The following ADAM32 variants were observed in gnomAD, a reference collection of about 807,000 sequenced individuals.
ADAM32 encodes the protein disintegrin and metalloproteinase domain-containing protein 32.
In ADAM32, 89 loss-of-function variants were observed where a neutral mutation model predicts 114.9. The ratio of observed to expected loss-of-function variants is 0.77; its 90% CI spans 0.65 to 0.92. ADAM32 has a LOEUF of 0.92. Ranked by LOEUF, ADAM32 falls within the 40% of genes least tolerant of loss-of-function variation. ADAM32 has a pLI of 0.00. For synonymous variants in ADAM32, 285 were observed against 307.5 expected (o/e 0.93, Z 0.77); for missense variants, 870 against 932.8 (o/e 0.93, Z 0.88).
chr8:39,205,007 C>T (rs191316082), intron 11 of ADAM32, among the ~76,000 whole-genome samples: 7 of 152,332 alleles, frequency 4.6e-5, no homozygotes, highest in Non-Finnish European at 2.9e-5. Context: ...CAGAGGGGTA[C>T]TTGGCCCTGT....
intron 2 of ADAM32, among the ~76,000 whole-genome samples, chr8:39,126,529 A>G (rs1185357089): frequency 3.3e-5 from 5 of 152,176 alleles, no homozygotes; most frequent in Non-Finnish European, 1.5e-5. Context: ...TTGATTTTGT[A>G]TCCTGATACT....
chr8:39,164,402 T>G (rs1412709171), intron 7 of ADAM32, among the ~76,000 whole-genome samples: 1 of 152,202 alleles, frequency 6.6e-6, no homozygotes, highest in African/African-American at 2.4e-5. Flanking sequence ...TTATTTCTAG[T>G]TTTTAGCTAT....
intron 2 of ADAM32, among the ~76,000 whole-genome samples, chr8:39,124,160 T>G (rs2129444554): frequency 2.0e-5 from 3 of 152,172 alleles, no homozygotes; most frequent in Admixed American, 2.0e-4. Flanking sequence ...TTAGCTATAC[T>G]TCCTAATGCT....
At chr8:39,112,637 A>ATAT (rs1440791856) in intron 1 of ADAM32, among the ~76,000 whole-genome samples, 1 of 151,876 alleles carries the variant, frequency 6.6e-6, no homozygotes, top group Non-Finnish European at 1.5e-5. Context: ...ATAAATACTG[A>ATAT]TATTACATCA....
intron 14 of ADAM32, among the ~76,000 whole-genome samples, chr8:39,224,951 G>A (rs898720987): frequency 2.0e-5 from 3 of 152,114 alleles, no homozygotes; most frequent in African/African-American, 7.2e-5. Flanking sequence ...ACAAAGAAGG[G>A]AGGAAGCTAT....
intron 3 of ADAM32, among the ~76,000 whole-genome samples, chr8:39,137,378 G>GA (rs1241027906): frequency 6.6e-6 from 1 of 151,780 alleles, no homozygotes; most frequent in Non-Finnish European, 1.5e-5. Context: ...ATCCCTCAGA[G>GA]AAAAAAGAGG....
intron 14 of ADAM32, among the ~76,000 whole-genome samples, chr8:39,229,615 T>C (rs1809603853): frequency 1.3e-5 from 2 of 152,220 alleles, no homozygotes; most frequent in South Asian, 4.1e-4. Context: ...GGACATTATA[T>C]AATGGTAAAA....
chr8:39,272,483 T>TTA (rs1280281447), intron 20 of ADAM32, among the ~76,000 whole-genome samples: 2 of 152,346 alleles, frequency 1.3e-5, no homozygotes, highest in Admixed American at 1.3e-4. Flanking sequence ...TCCTATAACC[T>TTA]TATATATATA....
At chr8:39,263,118 AG>A (rs1363910288) in intron 19 of ADAM32, among the ~76,000 whole-genome samples, 2 of 152,266 alleles carry the variant, frequency 1.3e-5, no homozygotes, top group East Asian at 3.9e-4. Context: ...TTTATTCTGG[AG>A]GAAGTACATT....
intron 1 of ADAM32, among the ~76,000 whole-genome samples, chr8:39,117,638 C>T (rs950152522): frequency 1.3e-5 from 2 of 152,002 alleles, no homozygotes; most frequent in African/African-American, 4.8e-5. Flanking sequence ...TCCCCTTATA[C>T]ATAACATGAT....
At position 39,257,255 on chromosome 8, in the gene ADAM32, C is replaced by T; in HGVS notation, c.2074C>T (p.Pro692Ser). The T allele has an allele frequency of 6.2e-7, 1 of 1,612,168 alleles. No homozygotes were observed. Among genetic ancestry groups the T allele is most frequent in the South Asian group, 1.1e-5 (1 of 90,978 alleles). ...GCTTCTAGGTTTCCTCATTGCTCTTCCTATTCTCATTGTAACAACCGCAAT... is the reference window on the plus strand; with the variant it reads ...GCTTCTAGGTTTCCTCATTGCTCTTTCTATTCTCATTGTAACAACCGCAAT... ...TWLLGFLIAL[P>S]ILIVTTAIVL... The change falls in exon 19 of 25, where the codon CCT becomes TCT. Residue 692 changes from proline to serine, a missense_variant. Coordinates refer to ENST00000379907, the MANE Select transcript of ADAM32 (RefSeq NM_145004.7).
intron 10 of ADAM32, among the ~76,000 whole-genome samples, chr8:39,175,743 T>G (rs10101558): frequency 0.25 from 37,535 of 152,132 alleles, 5,012 homozygotes; most frequent in Non-Finnish European, 0.29. Flanking sequence ...AATAGTTTCA[T>G]TAAAAATGGT....
intron 1 of ADAM32, among the ~76,000 whole-genome samples, chr8:39,117,814 T>G (rs2129444303): frequency 6.6e-6 from 1 of 152,274 alleles, no homozygotes; most frequent in Non-Finnish European, 1.5e-5. Flanking sequence ...AAAAAGTTTT[T>G]GAAGTATGTC....
intron 23 of ADAM32, 83 bp downstream of exon 23, chr8:39,281,257 T>C: frequency 1.2e-6 from 1 of 823,790 alleles, no homozygotes; most frequent in Non-Finnish European, 1.7e-6. Context: ...AAATAATTGC[T>C]CAACATTTTT....
intron 16 of ADAM32, among the ~76,000 whole-genome samples, chr8:39,243,474 C>T (rs1810697653): frequency 6.6e-6 from 1 of 152,062 alleles, no homozygotes; most frequent in African/African-American, 2.4e-5. Flanking sequence ...GCAAGTTTAG[C>T]ATATACAACT....
intron 12 of ADAM32, among the ~76,000 whole-genome samples, chr8:39,217,534 A>C (rs1408779023): frequency 1.3e-5 from 2 of 151,236 alleles, no homozygotes; most frequent in Non-Finnish European, 3.0e-5. Context: ...GATCTTGTAG[A>C]TATGCTTTAT....
At chr8:39,221,509 T>C in intron 12 of ADAM32, 101 bp from the exon 13 acceptor site, 1 of 883,630 alleles carries the variant, frequency 1.1e-6, no homozygotes, top group Admixed American at 2.3e-5. Context: ...ATTCATATCC[T>C]TTTCCAAATT....
At chr8:39,188,886 A>G (rs1230365737) in intron 11 of ADAM32, among the ~76,000 whole-genome samples, 3 of 152,176 alleles carry the variant, frequency 2.0e-5, no homozygotes, top group Non-Finnish European at 4.4e-5. Context: ...ACTCTTTTGC[A>G]TATCCACAGT....
At chr8:39,154,203 C>T (rs1324909825) in intron 6 of ADAM32, among the ~76,000 whole-genome samples, 3 of 151,886 alleles carry the variant, frequency 2.0e-5, no homozygotes, top group Admixed American at 6.6e-5. Flanking sequence ...CCCATCTCCC[C>T]GACAGGCCCC....
Sources: gnomAD v4.1 joint callset for allele counts (sites outside exome capture counted in the v4.1 genomes callset) on GRCh38, gnomAD v4.1.1 for gene constraint, MANE v1.5 for transcripts, NCBI Gene and HGNC (gene_info 2026-07-23, HGNC 2026-07-21) for gene names.